Variants in AP3S1 observed in about 807,000 individuals in gnomAD.
AP3S1 encodes the protein AP-3 complex subunit sigma-1.
A neutral mutation model predicts 21.3 loss-of-function variants in AP3S1; 12 were observed. The ratio of observed to expected loss-of-function variants is 0.56; its 90% confidence interval spans 0.36 to 0.91. The LOEUF is 0.91. Among genes scored for constraint, AP3S1 ranks in the 40% least tolerant of loss-of-function variants. The pLI is 0.01. For synonymous variants in AP3S1, 48 were observed against 78.4 expected (o/e 0.61, Z 2.05); for missense variants, 116 against 225.0 (o/e 0.52, Z 3.10).
At chr5:115,854,616 G>A (rs1187043877) in intron 1 of AP3S1, among the ~76,000 whole-genome samples, 1 of 151,794 alleles carries the variant, frequency 6.6e-6, no homozygotes, top group African/African-American at 2.4e-5. Context: ...CTTTGCTAGG[G>A]TCTTCTCTTT....
intron 4 of AP3S1, among the ~76,000 whole-genome samples, chr5:115,899,713 TAGA>T: frequency 6.6e-6 from 1 of 152,064 alleles, no homozygotes; most frequent in Non-Finnish European, 1.5e-5. Flanking sequence ...GAATTAAAGG[TAGA>T]AGATCAAGTG....
intron 4 of AP3S1, 57 bp from the exon 5 acceptor site, chr5:115,902,828 T>A: frequency 7.8e-7 from 1 of 1,278,564 alleles, no homozygotes; most frequent in Non-Finnish European, 1.1e-6. Context: ...AAGTGAATCA[T>A]GAAACTTCTT....
chr5:115,868,799 T>G (rs1193959412), intron 2 of AP3S1, among the ~76,000 whole-genome samples: 1 of 151,560 alleles, frequency 6.6e-6, no homozygotes, highest in African/African-American at 2.4e-5. Flanking sequence ...GGAGAATTGC[T>G]TGAAGCCAGG....
chr5:115,889,656 A>T (rs1432382793), intron 3 of AP3S1, among the ~76,000 whole-genome samples: 3 of 152,234 alleles, frequency 2.0e-5, no homozygotes, highest in African/African-American at 7.2e-5. Flanking sequence ...TACATATGAC[A>T]AAAGACTGTA....
intron 5 of AP3S1, among the ~76,000 whole-genome samples, chr5:115,905,139 G>A (rs192475743): frequency 2.6e-5 from 4 of 152,038 alleles, no homozygotes; most frequent in Non-Finnish European, 2.9e-5. Flanking sequence ...TGCAACCTCC[G>A]GCATAAATGG....
At chr5:115,869,515 C>A (rs1463786331) in intron 2 of AP3S1, among the ~76,000 whole-genome samples, 2 of 152,126 alleles carry the variant, frequency 1.3e-5, no homozygotes, top group East Asian at 3.9e-4. Context: ...ATACTTTGTT[C>A]TTGATGAAAT....
chr5:115,886,113 C>T (rs1311553958), intron 3 of AP3S1, among the ~76,000 whole-genome samples: 1 of 152,112 alleles, frequency 6.6e-6, no homozygotes, highest in East Asian at 1.9e-4. Context: ...TAACCTTTTG[C>T]TTTAGATTAC....
chr5:115,910,401 G>A (rs1040724543), intron 5 of AP3S1, among the ~76,000 whole-genome samples: 1 of 152,110 alleles, frequency 6.6e-6, no homozygotes, highest in Non-Finnish European at 1.5e-5. Flanking sequence ...CGGGTAAGGG[G>A]GGACTACTGT....
chr5:115,873,788 A>C (rs979616372), intron 3 of AP3S1, among the ~76,000 whole-genome samples: 4 of 152,190 alleles, frequency 2.6e-5, no homozygotes, highest in Non-Finnish European at 4.4e-5. Flanking sequence ...AAAAAGTAAA[A>C]GTGGAAAATT....
intron 3 of AP3S1, among the ~76,000 whole-genome samples, chr5:115,892,997 A>G (rs1323982222): frequency 6.6e-6 from 1 of 152,236 alleles, no homozygotes; most frequent in Non-Finnish European, 1.5e-5. Context: ...TTAACTGTAT[A>G]TATTAACTAT....
intron 5 of AP3S1, among the ~76,000 whole-genome samples, chr5:115,911,706 G>A (rs965654680): frequency 1.3e-5 from 2 of 151,562 alleles, no homozygotes; most frequent in African/African-American, 4.8e-5. Context: ...AACTTGAAAC[G>A]ATCAAATTAA....
At position 115,841,961 on chromosome 5, in the gene AP3S1, G is replaced by A. The variant is rs1183354691; in HGVS notation, c.-77G>A. 2.1e-5 allele frequency: 32 copies of A among 1,534,388 alleles called. No individual in the cohort carries two copies. The highest frequency in any genetic ancestry group is 2.0e-4 in the Middle Eastern group (1 of 5,022). ...GGGGGCGGGTGGGGAAGGATCGCAGGCGAGATTACGAGGCGAGGCTCGCGC... is the reference window on the plus strand; with the variant it reads ...GGGGGCGGGTGGGGAAGGATCGCAGACGAGATTACGAGGCGAGGCTCGCGC... On this transcript the variant is annotated 5_prime_UTR_variant, in exon 1 of 6. Coordinates refer to ENST00000316788, the MANE Select transcript of AP3S1 (RefSeq NM_001284.4).
chr5:115,866,480 G>T (rs191030616), intron 1 of AP3S1, among the ~76,000 whole-genome samples, 190 bp from the exon 2 acceptor site: 50 of 151,536 alleles, frequency 3.3e-4, no homozygotes, highest in East Asian at 1.2e-3. Context: ...AAATAATTGG[G>T]TTTTTTTTCT....
chr5:115,899,621 A>C (rs1256955771), intron 4 of AP3S1, among the ~76,000 whole-genome samples: 4 of 152,106 alleles, frequency 2.6e-5, no homozygotes, highest in African/African-American at 9.7e-5. Context: ...AAAAGTACTT[A>C]AGATTTGGAA....
At chr5:115,845,995 C>T (rs571310251) in intron 1 of AP3S1, among the ~76,000 whole-genome samples, 95 of 151,880 alleles carry the variant, frequency 6.3e-4, no homozygotes, top group Non-Finnish European at 1.0e-3. Flanking sequence ...TTAGCTTCAG[C>T]GACTTGACAA....
intron 1 of AP3S1, among the ~76,000 whole-genome samples, chr5:115,859,151 G>A (rs532977530): frequency 1.3e-5 from 2 of 152,138 alleles, no homozygotes; most frequent in Admixed American, 6.6e-5. Flanking sequence ...ATTAGAGGTT[G>A]CCTGTGCGAT....
intron 2 of AP3S1, among the ~76,000 whole-genome samples, chr5:115,869,336 T>C (rs976870862): frequency 6.6e-6 from 1 of 152,178 alleles, no homozygotes; most frequent in Non-Finnish European, 1.5e-5. Flanking sequence ...TCTTCTTTTT[T>C]TTCTGGTTGA....
At chr5:115,885,728 G>T (rs946321245) in intron 3 of AP3S1, among the ~76,000 whole-genome samples, 1 of 152,120 alleles carries the variant, frequency 6.6e-6, no homozygotes, top group African/African-American at 2.4e-5. Context: ...CAAGTTAACA[G>T]CTAATATTAA....
chr5:115,866,735 T>G lies in AP3S1; in HGVS notation c.135T>G (p.Asn45Lys). The G allele has an allele frequency of 6.2e-7, 1 of 1,603,028 alleles. No individual in the cohort carries two copies. Among genetic ancestry groups the G allele is most frequent in the Non-Finnish European group, 8.5e-7 (1 of 1,173,270 alleles). ...TFHLVSKRDE[N>K]VCNFLEGGLL... is the part of the protein sequence containing the mutation. ...ATTTGGTATCTAAGAGAGATGAAAA[T>G]GTTTGTAATTTCCTAGAAGGAGGAT... Residue 45 changes from asparagine (N) to lysine (K), a missense_variant, in exon 2 of 6, where the codon AAT becomes AAG. Coordinates refer to ENST00000316788, the MANE Select transcript of AP3S1 (RefSeq NM_001284.4).
Sources: gnomAD v4.1 joint callset for allele counts (sites outside exome capture counted in the v4.1 genomes callset) on GRCh38, gnomAD v4.1.1 for gene constraint, MANE v1.5 for transcripts, NCBI Gene and HGNC (gene_info 2026-07-23, HGNC 2026-07-21) for gene names.